The following SAMD7 variants were observed in gnomAD, a reference collection of about 807,000 sequenced individuals.
The protein encoded by SAMD7 is sterile alpha motif domain-containing protein 7.
Under a neutral mutation model 36.7 loss-of-function variants are expected in SAMD7, and 34 were observed. The ratio of observed to expected loss-of-function variants is 0.93; its 90% confidence interval spans 0.71 to 1.23. SAMD7 has a LOEUF of 1.23. SAMD7 is among the 50% of genes most tolerant of loss of function. SAMD7 has a pLI of 0.00. For missense variants in SAMD7, 570 were observed against 546.6 expected, an observed-to-expected ratio of 1.04 and a Z score of -0.43; for synonymous variants, 188 against 189.7, an observed-to-expected ratio of 0.99 and a Z score of 0.07.
chr3:169,934,289 T>A (rs1713629648), intron 7 of SAMD7, among the ~76,000 whole-genome samples: 1 of 152,100 alleles, frequency 6.6e-6, no homozygotes, highest in South Asian at 2.1e-4. Context: ...TAAGCAATGA[T>A]GGAGTTCTAT....
chr3:169,916,509 G>A (rs61408110), intron 2 of SAMD7, among the ~76,000 whole-genome samples: 2,287 of 152,184 alleles, frequency 0.015, 47 homozygotes, highest in African/African-American at 0.044. Flanking sequence ...TTAGCCGAGC[G>A]TGGTGGTGAG....
intron 6 of SAMD7, among the ~76,000 whole-genome samples, chr3:169,927,869 G>GA (rs1222785614): frequency 2.0e-5 from 3 of 152,126 alleles, no homozygotes; most frequent in Non-Finnish European, 4.4e-5. Flanking sequence ...TTAAGTATAT[G>GA]AAAAAACAGG....
chr3:169,927,709 T>C (rs112104092), intron 6 of SAMD7, among the ~76,000 whole-genome samples: 1 of 152,168 alleles, frequency 6.6e-6, no homozygotes, highest in Non-Finnish European at 1.5e-5. Flanking sequence ...TTTTGCTATA[T>C]AGAGAATTTT....
At position 169,927,000 on chromosome 3, in the gene SAMD7, A is replaced by C. The variant is rs1296330084; in HGVS notation, c.738A>C (p.Thr246=). Residue 246 remains threonine, a synonymous_variant, in exon 6 of 9, where the codon ACA becomes ACC. Coordinates refer to ENST00000335556, the MANE Select transcript of SAMD7 (RefSeq NM_001304366.2). ...GTGAAACGAATGAAAAGCCAACGAC[A>C]GCTCTTGCCAACACCTGTGGAGAGC... is the stretch of plus-strand genomic sequence containing the variant. ...KSSETNEKPT[T]ALANTCGELE... is the part of the protein sequence containing the mutation. 1 of 1,613,942 alleles carries C rather than the reference A, an allele frequency of 6.2e-7. No homozygotes were observed. Among genetic ancestry groups the C allele is most frequent in the South Asian group, 1.1e-5 (1 of 91,080 alleles).
At position 169,938,318 on chromosome 3, in the gene SAMD7, G is replaced by A. The variant is rs746879032; in HGVS notation, c.1153G>A (p.Val385Ile). 2.5e-6 allele frequency: 4 copies of A among 1,590,090 alleles called. No individual in the cohort carries two copies. The highest frequency in any genetic ancestry group is 1.4e-5 in the African/African-American group (1 of 74,060). The stretch of plus-strand genomic sequence containing the variant: ...TACTATAATTATTTTGTCTTAAAAG[G>A]TATCTCAGCATGTGGGAAGTATGTT... The part of the protein sequence containing the change: ...LGPALKIQSQ[V>I]SQHVGSMFYK... Residue 385 changes from valine (V) to isoleucine (I), a missense_variant and splice_region_variant, in exon 9 of 9, where the codon GTA (valine) becomes ATA (isoleucine). By Grantham distance (29) the Val-to-Ile change is conservative (BLOSUM62 3). Transcript: ENST00000335556.
In SAMD7 at chr3:169,919,539, C is replaced by T; in HGVS notation, c.41C>T (p.Thr14Ile). Residue 14 changes from threonine (T) to isoleucine (I), a missense_variant, in exon 3 of 9, where the codon ACA (threonine) becomes ATA (isoleucine). Transcript: ENST00000335556. ...TTATTGACACCAACAGGGCAGCAGA[C>T]AATCCCACTGATCCCCTCACCATTT... ...NPLLTPTGQQ[T>I]IPLIPSPFGP... 1.2e-6 allele frequency: 2 copies of T among 1,614,172 alleles called. No individual in the cohort carries two copies. The highest frequency in any genetic ancestry group is 1.7e-6 in the Non-Finnish European group (2 of 1,180,006).
At chr3:169,919,150 TCAA>T (rs35497086) in intron 2 of SAMD7, among the ~76,000 whole-genome samples, 5,895 of 151,988 alleles carry the variant, frequency 0.039, 171 homozygotes, top group East Asian at 0.13. Context: ...ATCTCAAAAA[TCAA>T]CAACAACAAC....
intron 7 of SAMD7, among the ~76,000 whole-genome samples, chr3:169,935,723 C>A (rs571986542): frequency 1.3e-5 from 2 of 152,108 alleles, no homozygotes; most frequent in Non-Finnish European, 2.9e-5. Context: ...GATTTTGTAT[C>A]CCTCTATCTG....
intron 7 of SAMD7, chr3:169,932,239 T>G: frequency 1.2e-6 from 1 of 851,264 alleles, no homozygotes; most frequent in Non-Finnish European, 2.0e-6. Flanking sequence ...GGAAGTGTAC[T>G]GTGAAGAGAC....
chr3:169,938,687 CA>C lies in SAMD7; in HGVS notation c.*182del. Reference sequence around the variant, plus strand: ...CCCTGCCAGGGCTGAATGACCCCAGCACCAAATGACTGGAGACGCATCCTTA... The same window carrying C: ...CCCTGCCAGGGCTGAATGACCCCAGCCCAAATGACTGGAGACGCATCCTTA... On this transcript the variant is annotated 3_prime_UTR_variant, in exon 9 of 9. Transcript: ENST00000335556. The C allele has an allele frequency of 2.1e-6, 1 of 465,666 alleles. No homozygotes were observed. Among genetic ancestry groups the C allele is most frequent in the South Asian group, 4.9e-5 (1 of 20,540 alleles). 28.8% of individuals were successfully genotyped at this position (465,666 alleles called of 1,614,324 possible).
intron 7 of SAMD7, 70 bp from the exon 8 acceptor site, chr3:169,936,269 T>C: frequency 1.0e-6 from 1 of 973,798 alleles, no homozygotes; most frequent in Non-Finnish European, 1.6e-6. Context: ...AACTAAAATA[T>C]CTAGGTGGTA....
intron 7 of SAMD7, among the ~76,000 whole-genome samples, chr3:169,930,395 T>C (rs962071937): frequency 6.6e-6 from 1 of 152,114 alleles, no homozygotes; most frequent in Admixed American, 6.5e-5. Flanking sequence ...CTGAAAGATG[T>C]CACTGCTGTG....
chr3:169,922,551 G>C (rs1713088523), intron 4 of SAMD7, among the ~76,000 whole-genome samples: 1 of 152,248 alleles, frequency 6.6e-6, no homozygotes. Flanking sequence ...CCAGGCTGGA[G>C]TGCAATGGCA....
chr3:169,929,970 T>C (rs1203854074), intron 7 of SAMD7, among the ~76,000 whole-genome samples: 1 of 152,366 alleles, frequency 6.6e-6, no homozygotes, highest in Admixed American at 6.5e-5. Context: ...ATGTCAACCA[T>C]GGGTTCAATT....
chr3:169,919,519 G>A lies in SAMD7; in HGVS notation c.21G>A (p.Leu7=). The part of the protein sequence containing the change: MAVNPL[L]TPTGQQTIPL... ...CGGTGATGGCTGTGAACCCTTTATTGACACCAACAGGGCAGCAGACAATCC... is the reference window on the plus strand; with the variant it reads ...CGGTGATGGCTGTGAACCCTTTATTAACACCAACAGGGCAGCAGACAATCC... The change falls in exon 3 of 9, where the codon TTG becomes TTA. Residue 7 remains leucine (L), a synonymous_variant. Coordinates refer to ENST00000335556, the MANE Select transcript of SAMD7 (RefSeq NM_001304366.2). 6.2e-7 allele frequency: 1 copy of A among 1,614,120 alleles called. No homozygotes were observed. Among genetic ancestry groups the A allele is most frequent in the East Asian group, 2.2e-5 (1 of 44,878 alleles).
chr3:169,923,905 T>C (rs1398671879), intron 4 of SAMD7, among the ~76,000 whole-genome samples: 2 of 152,190 alleles, frequency 1.3e-5, no homozygotes, highest in African/African-American at 4.8e-5. Flanking sequence ...TAACATTAAG[T>C]TTGATATTGC....
chr3:169,926,702 C>A lies in SAMD7; in HGVS notation c.440C>A (p.Ala147Asp). ...TACCATGGCAGGAGCATGCTCCCTG[C>A]CGGTGACCTGCATTTTCACAGAAGC... ...AAYHGRSMLP[A>D]GDLHFHRSTL... Residue 147 changes from alanine (A) to aspartate (D), a missense_variant, in exon 6 of 9, where the codon GCC (alanine) becomes GAC (aspartate). By Grantham distance (126) the Ala-to-Asp change is moderately radical. Coordinates refer to ENST00000335556, the MANE Select transcript of SAMD7 (RefSeq NM_001304366.2). The A allele has an allele frequency of 6.2e-7, 1 of 1,613,964 alleles. No homozygotes were observed. Among genetic ancestry groups the A allele is most frequent in the Non-Finnish European group, 8.5e-7 (1 of 1,179,974 alleles).
chr3:169,933,428 G>A (rs1160263386), intron 7 of SAMD7, among the ~76,000 whole-genome samples: 2 of 152,198 alleles, frequency 1.3e-5, no homozygotes, highest in African/African-American at 4.8e-5. Context: ...TGAGCATGGA[G>A]ATGTTCCTGC....
chr3:169,915,643 G>C (rs1041617994), intron 2 of SAMD7, among the ~76,000 whole-genome samples: 103 of 144,150 alleles, frequency 7.1e-4, no homozygotes, highest in African/African-American at 2.6e-3. Context: ...GGAGTGCAGC[G>C]GTGCGATCTT....
Sources: allele counts gnomAD v4.1 joint callset (sites outside exome capture counted in the v4.1 genomes callset), GRCh38; gene constraint gnomAD v4.1.1; transcripts MANE v1.5; gene names NCBI Gene and HGNC (gene_info 2026-07-23, HGNC 2026-07-21).